SPNS3: variants seen among roughly 807,000 people sequenced by gnomAD.
The protein encoded by SPNS3 is protein spinster homolog 3.
SPNS3 carries 51 observed loss-of-function variants against 54.4 expected under a neutral mutation model. That is an observed-to-expected ratio of 0.94 (90% CI 0.75 to 1.18). SPNS3 has a LOEUF of 1.18. SPNS3 is among the 50% of genes most tolerant of loss of function. The pLI is 0.00. For missense variants in SPNS3, 669 were observed against 677.4 expected, an observed-to-expected ratio of 0.99 and a Z score of 0.14; for synonymous variants, 309 against 294.7, an observed-to-expected ratio of 1.05 and a Z score of -0.50.
intron 1 of SPNS3, among the ~76,000 whole-genome samples, chr17:4,437,708 A>G (rs979326091): frequency 6.6e-6 from 1 of 152,008 alleles, no homozygotes; most frequent in East Asian, 1.9e-4. Flanking sequence ...CAAAATATTA[A>G]AAGGGGAAAA....
At chr17:4,444,982 C>T (rs1382502056) in intron 2 of SPNS3, 50 bp from the exon 3 acceptor site, 3 of 1,576,460 alleles carry the variant, frequency 1.9e-6, no homozygotes, top group African/African-American at 2.7e-5. Context: ...GGCCATCTGC[C>T]CTGCCACGGT....
At chr17:4,464,260 T>C (rs1971619934) in intron 8 of SPNS3, among the ~76,000 whole-genome samples, 1 of 152,180 alleles carries the variant, frequency 6.6e-6, no homozygotes, top group African/African-American at 2.4e-5. Flanking sequence ...TTAATTAGGG[T>C]CCAGACACGC....
At position 4,488,135 on chromosome 17, in the gene SPNS3, T is replaced by C. The variant is rs333121; in HGVS notation, c.*241T>C. 0.44 allele frequency: 243,382 copies of C among 547,260 alleles called. 57,662 individuals carry two copies. Among genetic ancestry groups the C allele is most frequent in the Middle Eastern group, 0.61 (1,237 of 2,028 alleles). 33.9% of individuals were successfully genotyped at this position (547,260 alleles called of 1,614,324 possible). A position where few individuals can be genotyped will look rare whatever the true frequency, so the allele number is the denominator to read the frequency against. On this transcript the variant is annotated 3_prime_UTR_variant, in exon 12 of 12. Coordinates refer to ENST00000355530, the MANE Select transcript of SPNS3 (RefSeq NM_182538.5). ...CTCAAGGCTGCCCCAGCCTGGGGTC[T>C]CCAGCCTGGCTGCTGCTGGGCCCTG...
intron 8 of SPNS3, among the ~76,000 whole-genome samples, chr17:4,453,622 G>C (rs2326059): frequency 4.0e-5 from 6 of 151,540 alleles, no homozygotes; most frequent in South Asian, 2.1e-4. Flanking sequence ...CATCTTGGGG[G>C]AAAAAAACAG....
At position 4,446,047 on chromosome 17, in the gene SPNS3, G is replaced by C. The variant is rs1292319468; in HGVS notation, c.403-1G>C. 1 of 1,603,552 alleles carries C rather than the reference G, an allele frequency of 6.2e-7. No individual in the cohort carries two copies. The highest frequency in any genetic ancestry group is 8.5e-7 in the Non-Finnish European group (1 of 1,172,584). ...CCGTGGTCTTGTGCCTGCTCGCCCA[G>C]TATTCTTGGCTCTTCTTCCTGTCCC... On this transcript the variant is annotated splice_acceptor_variant, in intron 3 of 11. Coordinates refer to ENST00000355530, the MANE Select transcript of SPNS3 (RefSeq NM_182538.5). LOFTEE classifies it high-confidence loss of function.
intron 8 of SPNS3, among the ~76,000 whole-genome samples, chr17:4,463,830 T>TA (rs1199863078): frequency 2.6e-5 from 4 of 152,112 alleles, no homozygotes; most frequent in African/African-American, 9.7e-5. Context: ...ATATCTATTT[T>TA]AATTTGTATG....
intron 1 of SPNS3, among the ~76,000 whole-genome samples, chr17:4,436,159 T>C (rs1364019263): frequency 6.6e-6 from 1 of 151,730 alleles, no homozygotes; most frequent in Non-Finnish European, 1.5e-5. Context: ...GGCGGAGAGG[T>C]GCGGCCAGAC....
At position 4,436,490 on chromosome 17, in the gene SPNS3, A is replaced by AGGAGGATTGCTTGAGGCTGAAGCG. The variant is rs1567551109; in HGVS notation, c.199+2347_199+2348insGGGAGGATTGCTTGAGGCTGAAGC. On this transcript the variant is annotated intron_variant, in intron 1 of 11. Transcript: ENST00000355530. ...CTTCAGCCTCTCGGGAGGCTGAAGC[A>AGGAGGATTGCTTGAGGCTGAAGCG]GGAGGATTGCTTGAGGCTGAAGCAG... Among the ~76,000 whole-genome samples, 246 of 142,470 alleles carry AGGAGGATTGCTTGAGGCTGAAGCG rather than the reference A, an allele frequency of 1.7e-3. 1 individual carries two copies. Among genetic ancestry groups the AGGAGGATTGCTTGAGGCTGAAGCG allele is most frequent in the African/African-American group, 5.4e-3 (210 of 39,082 alleles). 93.5% of individuals were successfully genotyped at this position (142,470 alleles called of 152,430 possible). A position where few individuals can be genotyped will look rare whatever the true frequency, so the allele number is the denominator to read the frequency against.
At chr17:4,470,609 T>C (rs1193330860) in intron 8 of SPNS3, among the ~76,000 whole-genome samples, 1 of 152,112 alleles carries the variant, frequency 6.6e-6, no homozygotes, top group African/African-American at 2.4e-5. Context: ...CTTCAATCTA[T>C]CTCTCTGCTC....
intron 8 of SPNS3, among the ~76,000 whole-genome samples, chr17:4,473,372 G>A (rs1971907673): frequency 6.7e-6 from 1 of 150,114 alleles, no homozygotes; most frequent in South Asian, 2.1e-4. Flanking sequence ...AGATCCAGGA[G>A]AGGACACTGC....
At chr17:4,460,187 G>A (rs1176252457) in intron 8 of SPNS3, among the ~76,000 whole-genome samples, 1 of 152,158 alleles carries the variant, frequency 6.6e-6, no homozygotes, top group Non-Finnish European at 1.5e-5. Context: ...TGAGGACAGA[G>A]AGATGATGGG....
At chr17:4,454,449 C>T (rs1971250052) in intron 8 of SPNS3, among the ~76,000 whole-genome samples, 1 of 152,188 alleles carries the variant, frequency 6.6e-6, no homozygotes. Context: ...GCAGACTGGA[C>T]TTTGGAAAAG....
intron 8 of SPNS3, among the ~76,000 whole-genome samples, chr17:4,474,445 C>G (rs374130566): frequency 6.4e-4 from 98 of 151,978 alleles, no homozygotes; most frequent in African/African-American, 2.1e-3. Context: ...CAGCGAGCCC[C>G]CAGGGGATAC....
chr17:4,441,808 T>C (rs1229627169), intron 2 of SPNS3, among the ~76,000 whole-genome samples: 1 of 145,806 alleles, frequency 6.9e-6, no homozygotes, highest in Non-Finnish European at 1.5e-5. Context: ...TTGGGGGGGG[T>C]CTCACCATGT....
intron 8 of SPNS3, among the ~76,000 whole-genome samples, chr17:4,458,621 C>CTTTCT (rs1555530839): frequency 0.012 from 1,390 of 115,050 alleles, 42 homozygotes; most frequent in Middle Eastern, 0.046. Context: ...TTCTTTCTTT[C>CTTTCT]TTTCTTTCTT....
At chr17:4,460,077 G>A (rs1383130542) in intron 8 of SPNS3, among the ~76,000 whole-genome samples, 1 of 152,138 alleles carries the variant, frequency 6.6e-6, no homozygotes, top group East Asian at 1.9e-4. Context: ...AGAGGGAACA[G>A]CAACTGTGAA....
intron 8 of SPNS3, among the ~76,000 whole-genome samples, chr17:4,455,669 T>C (rs1297704337): frequency 1.3e-5 from 2 of 151,922 alleles, no homozygotes; most frequent in Non-Finnish European, 2.9e-5. Context: ...CCTCCCCCAC[T>C]GCCGCCCTCT....
chr17:4,466,173 G>A (rs1171819427), intron 8 of SPNS3, among the ~76,000 whole-genome samples: 3 of 152,240 alleles, frequency 2.0e-5, no homozygotes, highest in African/African-American at 7.2e-5. Flanking sequence ...TTTCCCAGAC[G>A]CTGTTCCAGG....
chr17:4,452,389 A>G (rs1597315495), intron 7 of SPNS3, among the ~76,000 whole-genome samples: 2 of 152,064 alleles, frequency 1.3e-5, no homozygotes, highest in Admixed American at 1.3e-4. Context: ...AGGTCTCCAC[A>G]GGAAGGATGT....
Sources: gnomAD v4.1 joint callset for allele counts (sites outside exome capture counted in the v4.1 genomes callset) on GRCh38, gnomAD v4.1.1 for gene constraint, MANE v1.5 for transcripts, NCBI Gene and HGNC (gene_info 2026-07-23, HGNC 2026-07-21) for gene names.